Variants in GRAMD1B observed in about 807,000 individuals in gnomAD.
The protein encoded by GRAMD1B is GRAM domain containing 1B.
In GRAMD1B, 37 loss-of-function variants were observed where a neutral mutation model predicts 99.7. The ratio of observed to expected loss-of-function variants is 0.37; its 90% CI spans 0.29 to 0.49. The LOEUF is 0.49. Among genes scored for constraint, GRAMD1B ranks in the 20% least tolerant of loss-of-function variants. The pLI is 0.98. For synonymous variants in GRAMD1B, 427 were observed against 387.6 expected, an observed-to-expected ratio of 1.10 and a Z score of -1.19; for missense variants, 888 against 1,009.2, an observed-to-expected ratio of 0.88 and a Z score of 1.63.
intron 1 of GRAMD1B, chr11:123,458,690 T>C (rs1652648060): frequency 9.7e-6 from 1 of 102,608 alleles, no homozygotes; most frequent in Admixed American, 1.2e-4. Context: ...AAGGCTGTTT[T>C]GTTTTTTTTT....
intron 10 of GRAMD1B, among the ~76,000 whole-genome samples, chr11:123,606,018 G>T (rs1000749955): frequency 6.6e-5 from 10 of 151,990 alleles, no homozygotes; most frequent in Middle Eastern, 3.4e-3. Context: ...GAGGGTCAGG[G>T]CATGTGCTGG....
At chr11:123,598,640 T>C (rs1951580305) in intron 7 of GRAMD1B, 1 of 1,312,954 alleles carries the variant, frequency 7.6e-7, no homozygotes, top group Non-Finnish European at 1.1e-6. Flanking sequence ...CACATTTCAG[T>C]CCTAAAGCTA....
intron 2 of GRAMD1B, among the ~76,000 whole-genome samples, chr11:123,491,123 G>A (rs1485832069): frequency 3.3e-5 from 5 of 152,046 alleles, no homozygotes; most frequent in Admixed American, 2.6e-4. Context: ...ACCTGAGGTC[G>A]GGAGTTTGAG....
chr11:123,362,762 G>A (rs543344991), intron 1 of GRAMD1B, among the ~76,000 whole-genome samples: 1 of 152,274 alleles, frequency 6.6e-6, no homozygotes, highest in Non-Finnish European at 1.5e-5. Flanking sequence ...TGGGGAAGGG[G>A]TAGGGGATAG....
chr11:123,447,899 TG>T, intron 1 of GRAMD1B, among the ~76,000 whole-genome samples: 1 of 152,300 alleles, frequency 6.6e-6, no homozygotes, highest in South Asian at 2.1e-4. Flanking sequence ...AAACCTAGTT[TG>T]TTTTTTTTAA....
At chr11:123,401,496 C>G (rs1242064251) in intron 1 of GRAMD1B, among the ~76,000 whole-genome samples, 1 of 152,208 alleles carries the variant, frequency 6.6e-6, no homozygotes, top group African/African-American at 2.4e-5. Flanking sequence ...TCCTGATGGC[C>G]TCCCTCACAC....
chr11:123,382,124 A>G (rs1249175294), intron 1 of GRAMD1B, among the ~76,000 whole-genome samples: 1 of 152,124 alleles, frequency 6.6e-6, no homozygotes, highest in Non-Finnish European at 1.5e-5. Context: ...TTTTCTGGGG[A>G]TTGGGGGGAA....
chr11:123,366,754 C>T (rs777096552), intron 1 of GRAMD1B, among the ~76,000 whole-genome samples: 3 of 152,176 alleles, frequency 2.0e-5, no homozygotes, highest in Non-Finnish European at 4.4e-5. Flanking sequence ...TGGTGAAGTG[C>T]TCTTGTCTTC....
intron 2 of GRAMD1B, among the ~76,000 whole-genome samples, chr11:123,565,698 T>C (rs1396795643): frequency 6.6e-6 from 1 of 152,140 alleles, no homozygotes; most frequent in East Asian, 1.9e-4. Context: ...GTCAGGGCCA[T>C]TGCAGAGGGA....
rs1311776326 is a variant in GRAMD1B, at chr11:123,627,747, GA to G, written c.*5158del. The G allele has an allele frequency of 1.3e-5, 2 of 152,186 alleles. No individual in the cohort carries two copies. Among genetic ancestry groups the G allele is most frequent in the Non-Finnish European group, 2.9e-5 (2 of 68,020 alleles). 9.4% of individuals were successfully genotyped at this position (152,186 alleles called of 1,614,324 possible). ...ATGGAAGTACAGTATGAATTAAAAA[GA>G]AAAAAGTATTGAACTACAATAATAA... On this transcript the variant is annotated 3_prime_UTR_variant, in exon 20 of 20. Coordinates refer to ENST00000635736, the MANE Select transcript of GRAMD1B (RefSeq NM_001387025.1).
intron 2 of GRAMD1B, among the ~76,000 whole-genome samples, chr11:123,499,122 T>C (rs1230360303): frequency 1.3e-5 from 2 of 152,136 alleles, no homozygotes; most frequent in African/African-American, 4.8e-5. Flanking sequence ...TCAATCCCCA[T>C]TGTAACAGTA....
intron 1 of GRAMD1B, among the ~76,000 whole-genome samples, chr11:123,396,797 TA>T (rs1947479966): frequency 6.6e-6 from 1 of 152,244 alleles, no homozygotes; most frequent in African/African-American, 2.4e-5. Flanking sequence ...CATTTTGCTC[TA>T]ATTTAGGCAG....
intron 1 of GRAMD1B, among the ~76,000 whole-genome samples, chr11:123,373,620 G>T (rs2135745499): frequency 6.6e-6 from 1 of 152,288 alleles, no homozygotes; most frequent in South Asian, 2.1e-4. Flanking sequence ...TTGAAAGAAG[G>T]AAATCTCCAA....
intron 1 of GRAMD1B, among the ~76,000 whole-genome samples, chr11:123,469,112 TA>T (rs1400255996): frequency 6.6e-6 from 1 of 151,648 alleles, no homozygotes; most frequent in Non-Finnish European, 1.5e-5. Flanking sequence ...AAAGGCAAAT[TA>T]AAAGGCAGAG....
At chr11:123,570,937 C>T (rs182306551) in intron 2 of GRAMD1B, among the ~76,000 whole-genome samples, 18 of 152,274 alleles carry the variant, frequency 1.2e-4, no homozygotes, top group African/African-American at 3.4e-4. Flanking sequence ...GAAGAAACAA[C>T]GAAGTCAACA....
chr11:123,511,111 C>T (rs1022765692), intron 2 of GRAMD1B, among the ~76,000 whole-genome samples: 5 of 152,044 alleles, frequency 3.3e-5, no homozygotes, highest in African/African-American at 1.2e-4. Context: ...TCTGCTTCTT[C>T]TCTGCACTGC....
At chr11:123,416,787 C>CT (rs998231806) in intron 1 of GRAMD1B, among the ~76,000 whole-genome samples, 11 of 151,474 alleles carry the variant, frequency 7.3e-5, no homozygotes, top group Admixed American at 2.6e-4. Flanking sequence ...TAACCATGGA[C>CT]TTTTTTTTTA....
chr11:123,385,702 G>A (rs1947031903), intron 1 of GRAMD1B, among the ~76,000 whole-genome samples: 1 of 152,128 alleles, frequency 6.6e-6, no homozygotes, highest in Non-Finnish European at 1.5e-5. Context: ...CCTTAGTATT[G>A]CAAAGCTTCT....
intron 2 of GRAMD1B, among the ~76,000 whole-genome samples, chr11:123,571,588 G>A (rs1376891367): frequency 3.3e-5 from 5 of 152,156 alleles, no homozygotes; most frequent in African/African-American, 7.2e-5. Flanking sequence ...GTCTTAAAAA[G>A]AGGGGAAATG....
Sources: allele counts gnomAD v4.1 joint callset (sites outside exome capture counted in the v4.1 genomes callset), GRCh38; gene constraint gnomAD v4.1.1; transcripts MANE v1.5; gene names NCBI Gene and HGNC (gene_info 2026-07-23, HGNC 2026-07-21).